Variants in SURF4 observed in about 807,000 individuals in gnomAD.
SURF4 encodes surfeit locus protein 4.
In SURF4, 3 loss-of-function variants were observed where a neutral mutation model predicts 30.0. The observed-to-expected ratio is 0.10, with a 90% CI of 0.05 to 0.26. SURF4 has a LOEUF of 0.26. SURF4 is among the 10% of genes least tolerant of loss of function. The probability of loss-of-function intolerance (pLI) is 1.00; values close to 1 mark genes in which losing one functional copy is unlikely to be tolerated. For missense variants in SURF4, 217 were observed against 350.8 expected (o/e 0.62, Z 3.05); for synonymous variants, 143 against 139.9 (o/e 1.02, Z -0.16).
intron 1 of SURF4, among the ~76,000 whole-genome samples, chr9:133,371,388 C>G (rs1837498298): frequency 6.6e-6 from 1 of 152,206 alleles, no homozygotes; most frequent in Admixed American, 6.5e-5. Context: ...GAGCCCCGCT[C>G]CCATGCTGCT....
chr9:133,370,930 A>T, intron 1 of SURF4: 1 of 1,289,704 alleles, frequency 7.8e-7, no homozygotes, highest in Non-Finnish European at 1.0e-6. Flanking sequence ...ATCAAGCAGG[A>T]TATGGTTCAT....
rs587735762 is a variant in SURF4 at position 133,362,063 on chromosome 9, C to G, written c.*1430G>C. ...ATTTGCAAACGCGTTGGGACTAGTTCGGCTGTGTTAAAAAGGTAGGTGACT... is the reference window on the plus strand; with the variant it reads ...ATTTGCAAACGCGTTGGGACTAGTTGGGCTGTGTTAAAAAGGTAGGTGACT... On this transcript the variant is annotated 3_prime_UTR_variant, in exon 6 of 6. Transcript: ENST00000371989. 1 of 152,300 alleles carries G rather than the reference C, an allele frequency of 6.6e-6. No individual in the cohort carries two copies. The highest frequency in any genetic ancestry group is 2.1e-4 in the South Asian group (1 of 4,830). The allele number at this position is 152,300 out of a possible 1,614,324, so 9.4% of individuals were successfully genotyped here.
In SURF4 at chr9:133,375,988, G is replaced by T; in HGVS notation, c.-19C>A. On this transcript the variant is annotated 5_prime_UTR_variant, in exon 1 of 6. Coordinates refer to ENST00000371989, the MANE Select transcript of SURF4 (RefSeq NM_033161.4). ...GGCCCATGGCGACGGCGGGAGGCTC[G>T]GCTCGGCTCGCTCGCTCGCTCGCTG... 1 of 1,224,980 alleles carries T rather than the reference G, an allele frequency of 8.2e-7. No homozygotes were observed. The allele number at this position is 1,224,980 out of a possible 1,614,324, so 75.9% of individuals were successfully genotyped here. A position where few individuals can be genotyped will look rare whatever the true frequency, so the allele number is the denominator to read the frequency against.
At chr9:133,376,752 C>A (rs2130251169), upstream of SURF4, among the ~76,000 whole-genome samples, 1 of 152,330 alleles carries the variant, frequency 6.6e-6, no homozygotes, top group African/African-American at 2.4e-5. Context: ...ACTCAGTTTC[C>A]CCCTTTGTGA....
At chr9:133,370,087 G>A (rs1837411932) in intron 1 of SURF4, among the ~76,000 whole-genome samples, 1 of 152,232 alleles carries the variant, frequency 6.6e-6, no homozygotes. Flanking sequence ...GCCCAGCCAT[G>A]GGCTGCGGTC....
upstream of SURF4, chr9:133,376,068 G>C (rs954211963): frequency 1.1e-5 from 13 of 1,206,572 alleles, no homozygotes; most frequent in African/African-American, 1.6e-5. Flanking sequence ...AGTGCCCGGC[G>C]GCCGGCCTCG....
chr9:133,373,412 T>C (rs1302561660), intron 1 of SURF4, among the ~76,000 whole-genome samples: 1 of 152,100 alleles, frequency 6.6e-6, no homozygotes, highest in Non-Finnish European at 1.5e-5. Flanking sequence ...CTGGACAACA[T>C]GACAACATGG....
upstream of SURF4, among the ~76,000 whole-genome samples, chr9:133,376,827 C>T (rs928793648): frequency 6.6e-6 from 1 of 152,196 alleles, no homozygotes; most frequent in Non-Finnish European, 1.5e-5. Flanking sequence ...CTCTATCCTT[C>T]GTGCCTGGGG....
rs71824689 is a variant in SURF4 at position 133,373,909 on chromosome 9, CAAA to C, written c.48+2010_48+2012del. Among the ~76,000 whole-genome samples, 427 of 47,502 alleles carry C rather than the reference CAAA, an allele frequency of 9.0e-3. 1 individual carries two copies. Among genetic ancestry groups the C allele is most frequent in the African/African-American group, 0.019 (364 of 18,760 alleles). 31.2% of individuals were successfully genotyped at this position (47,502 alleles called of 152,430 possible). On this transcript the variant is annotated intron_variant, in intron 1 of 5. Coordinates refer to ENST00000371989, the MANE Select transcript of SURF4 (RefSeq NM_033161.4). ...CTCCAGCCTGAGCGAAATTCTGTCT[CAAA>C]AAAAAAAAAAAAAAAAAAAAAAAGA...
At chr9:133,364,190 CCCTGACA>C (rs1237596722) in intron 5 of SURF4, among the ~76,000 whole-genome samples, 1 of 152,126 alleles carries the variant, frequency 6.6e-6, no homozygotes, top group African/African-American at 2.4e-5. Flanking sequence ...GGAGGCCTGC[CCCTGACA>C]CCTGACACAC....
At chr9:133,371,843 G>A (rs1837527254) in intron 1 of SURF4, among the ~76,000 whole-genome samples, 2 of 152,142 alleles carry the variant, frequency 1.3e-5, no homozygotes, top group Admixed American at 1.3e-4. Flanking sequence ...TTCAACTAGG[G>A]CCGAGGCCAG....
chr9:133,375,043 A>G (rs1837793681), intron 1 of SURF4, among the ~76,000 whole-genome samples: 1 of 152,256 alleles, frequency 6.6e-6, no homozygotes, highest in Non-Finnish European at 1.5e-5. Context: ...TTTTAGAAGT[A>G]AAAGGCATAA....
chr9:133,374,826 T>C (rs1837771077), intron 1 of SURF4, among the ~76,000 whole-genome samples: 1 of 151,846 alleles, frequency 6.6e-6, no homozygotes, highest in Non-Finnish European at 1.5e-5. Context: ...AAACCACACA[T>C]ATACAAGCCT....
At chr9:133,371,472 T>G (rs185115879) in intron 1 of SURF4, among the ~76,000 whole-genome samples, 1 of 152,280 alleles carries the variant, frequency 6.6e-6, no homozygotes, top group Non-Finnish European at 1.5e-5. Flanking sequence ...ATGGCCTGGC[T>G]TTACTAAAAA....
intron 4 of SURF4, 123 bp downstream of exon 4, chr9:133,365,862 A>G (rs2130120637): frequency 4.7e-5 from 45 of 960,728 alleles, no homozygotes; most frequent in Non-Finnish European, 6.7e-5. Context: ...TCCAATGAGC[A>G]CTTCCTTTGA....
upstream of SURF4, chr9:133,376,600 G>A (rs1292113615): frequency 2.0e-6 from 3 of 1,523,262 alleles, no homozygotes; most frequent in Admixed American, 2.2e-5. Context: ...AGCTCCGTGG[G>A]GTAACGGTCG....
At position 133,363,295 on chromosome 9, in the gene SURF4, G is replaced by A. The variant is rs2130084012; in HGVS notation, c.*198C>T. The A allele has an allele frequency of 7.3e-6, 7 of 956,838 alleles. No homozygotes were observed. Among genetic ancestry groups the A allele is most frequent in the South Asian group, 7.1e-5 (5 of 70,122 alleles). The allele number at this position is 956,838 out of a possible 1,614,324, so 59.3% of individuals were successfully genotyped here. On this transcript the variant is annotated 3_prime_UTR_variant, in exon 6 of 6. Coordinates refer to ENST00000371989, the MANE Select transcript of SURF4 (RefSeq NM_033161.4). This position sits in a 1 kb window ranked among gnomAD's most constrained non-coding sequence, Gnocchi z 4.3. ...GCTGGCCTGCACTGAAGGGTCAGAC[G>A]CCAGACTGTGGCTCCAGAGCAGACT...
upstream of SURF4, chr9:133,376,147 G>C (rs1234403538): frequency 1.7e-6 from 2 of 1,209,058 alleles, no homozygotes; most frequent in East Asian, 3.4e-5. Flanking sequence ...GCGCCGCCCG[G>C]GCCCGCCCCG....
chr9:133,374,090 G>A (rs1178793563), intron 1 of SURF4, among the ~76,000 whole-genome samples: 2 of 152,074 alleles, frequency 1.3e-5, no homozygotes, highest in Non-Finnish European at 2.9e-5. Context: ...GACAAAGAGC[G>A]AGTGTATGTA....
Sources: gnomAD v4.1 joint callset for allele counts (sites outside exome capture counted in the v4.1 genomes callset) on GRCh38, gnomAD v4.1.1 for gene constraint, Gnocchi (gnomAD v3.1) non-coding constraint, MANE v1.5 for transcripts, NCBI Gene and HGNC (gene_info 2026-07-23, HGNC 2026-07-21) for gene names.